CNBD1: variants seen among roughly 807,000 people sequenced by gnomAD.
CNBD1 encodes the protein cyclic nucleotide-binding domain-containing protein 1.
Under a neutral mutation model 54.4 loss-of-function variants are expected in CNBD1, and 71 were observed. The observed-to-expected ratio is 1.30, with a 90% CI of 1.08 to 1.59. CNBD1 has a LOEUF of 1.59. CNBD1 is among the 40% of genes most tolerant of loss of function. The pLI, the probability that CNBD1 is intolerant of heterozygous loss-of-function variation, is 0.00. For missense variants in CNBD1, 659 were observed against 518.0 expected (o/e 1.27, Z -2.64); for synonymous variants, 182 against 170.7 (o/e 1.07, Z -0.51).
chr8:87,319,225 A>G (rs1809467367), intron 8 of CNBD1, among the ~76,000 whole-genome samples: 1 of 152,094 alleles, frequency 6.6e-6, no homozygotes, highest in Non-Finnish European at 1.5e-5. Context: ...TCAGGAGGAT[A>G]GTATTACAGG....
intron 2 of CNBD1, among the ~76,000 whole-genome samples, chr8:87,402,310 A>T (rs1483540975): frequency 6.6e-6 from 1 of 151,826 alleles, no homozygotes; most frequent in East Asian, 1.9e-4. Flanking sequence ...GTGGGGACAC[A>T]GTCAAACAAT....
intron 4 of CNBD1, among the ~76,000 whole-genome samples, chr8:87,099,044 A>C (rs1474359697): frequency 6.0e-5 from 9 of 150,312 alleles, no homozygotes; most frequent in Non-Finnish European, 3.0e-5. Context: ...CAAAAAAAAA[A>C]AAAAAAAAAA....
At chr8:87,344,840 G>T (rs181849776) in intron 8 of CNBD1, among the ~76,000 whole-genome samples, 3 of 152,160 alleles carry the variant, frequency 2.0e-5, no homozygotes, top group African/African-American at 7.2e-5. Context: ...TTAAATAATT[G>T]AACTGAAATC....
intron 4 of CNBD1, among the ~76,000 whole-genome samples, chr8:87,145,494 G>A (rs940650398): frequency 3.4e-4 from 52 of 151,866 alleles, no homozygotes; most frequent in African/African-American, 1.2e-3. Context: ...AAAAATCATA[G>A]GCAAATAATC....
chr8:87,225,814 G>T (rs1431632655), intron 5 of CNBD1, among the ~76,000 whole-genome samples: 1 of 147,808 alleles, frequency 6.8e-6, no homozygotes, highest in Non-Finnish European at 1.5e-5. Context: ...CAGAAGGAAT[G>T]GTACCAGTTC....
chr8:87,103,752 C>A (rs1200878390), intron 4 of CNBD1, among the ~76,000 whole-genome samples: 1 of 152,102 alleles, frequency 6.6e-6, no homozygotes, highest in Non-Finnish European at 1.5e-5. Flanking sequence ...AATTACAGTT[C>A]AAAATGAGTT....
chr8:87,365,788 A>T (rs998782216), intron 10 of CNBD1, among the ~76,000 whole-genome samples: 5 of 152,082 alleles, frequency 3.3e-5, no homozygotes, highest in Non-Finnish European at 7.4e-5. Context: ...ATATAATCAG[A>T]AGCAATTATT....
chr8:86,867,248 C>A (rs1004994859), intron 1 of CNBD1, among the ~76,000 whole-genome samples: 1 of 152,160 alleles, frequency 6.6e-6, no homozygotes, highest in Admixed American at 6.6e-5. Flanking sequence ...TGAACACCAT[C>A]ATTCTGACTA....
chr8:87,360,063 G>C (rs985896015), intron 10 of CNBD1, among the ~76,000 whole-genome samples: 2 of 151,774 alleles, frequency 1.3e-5, no homozygotes, highest in African/African-American at 2.4e-5. Flanking sequence ...CTCTCTATTT[G>C]GTCTTATGTA....
intron 4 of CNBD1, among the ~76,000 whole-genome samples, chr8:87,086,709 ATTAT>A (rs1404141478): frequency 6.6e-6 from 1 of 152,184 alleles, no homozygotes; most frequent in Non-Finnish European, 1.5e-5. Flanking sequence ...AAATTATGTG[ATTAT>A]TTACTGAAAA....
At chr8:86,970,181 T>C (rs188904633) in intron 4 of CNBD1, among the ~76,000 whole-genome samples, 3 of 152,308 alleles carry the variant, frequency 2.0e-5, no homozygotes, top group African/African-American at 7.2e-5. Context: ...CTCTTTAACC[T>C]AGCTCATTTT....
At chr8:86,933,225 A>G (rs576512426) in intron 3 of CNBD1, among the ~76,000 whole-genome samples, 197 of 152,270 alleles carry the variant, frequency 1.3e-3, no homozygotes, top group Non-Finnish European at 2.3e-3. Flanking sequence ...ACTCTTAAGC[A>G]TCTCTTGGAG....
chr8:87,342,027 A>G (rs1364403391), intron 8 of CNBD1, among the ~76,000 whole-genome samples: 1 of 152,270 alleles, frequency 6.6e-6, no homozygotes, highest in East Asian at 1.9e-4. Flanking sequence ...TAATCCTAGC[A>G]CTTTGGGAGG....
At chr8:86,977,344 A>G (rs868409411) in intron 4 of CNBD1, among the ~76,000 whole-genome samples, 3 of 151,950 alleles carry the variant, frequency 2.0e-5, no homozygotes, top group Non-Finnish European at 2.9e-5. Flanking sequence ...TATGTCATCC[A>G]CTTGATGGTG....
intron 6 of CNBD1, among the ~76,000 whole-genome samples, chr8:87,277,085 T>C (rs1808498472): frequency 1.3e-5 from 2 of 148,326 alleles, no homozygotes; most frequent in South Asian, 2.1e-4. Flanking sequence ...TATATATATA[T>C]ACACATATTC....
At chr8:87,323,640 G>C (rs982591488) in intron 8 of CNBD1, among the ~76,000 whole-genome samples, 1 of 133,674 alleles carries the variant, frequency 7.5e-6, no homozygotes, top group African/African-American at 2.8e-5. Flanking sequence ...TGTGATTTTT[G>C]TACATTGATT....
chr8:87,242,251 GA>G (rs1004457701), intron 6 of CNBD1, among the ~76,000 whole-genome samples: 1 of 152,062 alleles, frequency 6.6e-6, no homozygotes, highest in African/African-American at 2.4e-5. Flanking sequence ...CTCTTGTGGG[GA>G]AAATCAATAT....
At chr8:87,229,880 C>T (rs1406363744) in intron 5 of CNBD1, among the ~76,000 whole-genome samples, 2 of 152,132 alleles carry the variant, frequency 1.3e-5, no homozygotes, top group Non-Finnish European at 2.9e-5. Context: ...AATTGAGGGT[C>T]AATTTCTGAA....
chr8:86,911,840 T>G (rs1809104773), intron 3 of CNBD1, among the ~76,000 whole-genome samples: 1 of 151,754 alleles, frequency 6.6e-6, no homozygotes, highest in South Asian at 2.1e-4. Context: ...GAAAAAGAAA[T>G]CAAGAAAGCA....
Sources: allele counts gnomAD v4.1 joint callset (sites outside exome capture counted in the v4.1 genomes callset), GRCh38; gene constraint gnomAD v4.1.1; transcripts MANE v1.5; gene names NCBI Gene and HGNC (gene_info 2026-07-23, HGNC 2026-07-21).